FAF1: variants seen among roughly 807,000 people sequenced by gnomAD.
FAF1 encodes the protein Fas associated factor 1.
FAF1 carries 25 observed loss-of-function variants against 92.5 expected under a neutral mutation model. That is an observed-to-expected ratio of 0.27 (90% CI 0.20 to 0.38). The LOEUF is 0.38. FAF1 is among the 10% of genes least tolerant of loss of function. FAF1 has a pLI of 1.00. For missense variants in FAF1, 636 were observed against 793.3 expected, an observed-to-expected ratio of 0.80 and a Z score of 2.38; for synonymous variants, 234 against 273.2, an observed-to-expected ratio of 0.86 and a Z score of 1.42.
At chr1:50,877,333 T>C (rs1644579033) in intron 1 of FAF1, among the ~76,000 whole-genome samples, 1 of 152,184 alleles carries the variant, frequency 6.6e-6, no homozygotes, top group Non-Finnish European at 1.5e-5. Context: ...AAATCCCTAC[T>C]GATGTACACT....
chr1:50,898,385 T>TA (rs1233788288), intron 1 of FAF1, among the ~76,000 whole-genome samples: 1 of 152,202 alleles, frequency 6.6e-6, no homozygotes, highest in Non-Finnish European at 1.5e-5. Flanking sequence ...AATAAGCTGA[T>TA]ATCTATACCT....
intron 7 of FAF1, among the ~76,000 whole-genome samples, chr1:50,685,880 T>A (rs1199385873): frequency 1.3e-5 from 2 of 152,222 alleles, no homozygotes; most frequent in African/African-American, 4.8e-5. Flanking sequence ...CTCAAATTAC[T>A]ATGAAGTAAA....
chr1:50,697,816 G>C (rs1192960063), intron 7 of FAF1, among the ~76,000 whole-genome samples: 1 of 151,930 alleles, frequency 6.6e-6, no homozygotes, highest in African/African-American at 2.4e-5. Flanking sequence ...AATAATAATA[G>C]GAGTACATTG....
chr1:50,711,848 G>A (rs762412642), intron 6 of FAF1, among the ~76,000 whole-genome samples: 62 of 152,162 alleles, frequency 4.1e-4, no homozygotes, highest in South Asian at 1.0e-3. Flanking sequence ...GGAGAAGTCA[G>A]ATAAGGGTAT....
At chr1:50,766,421 G>A (rs1195603957) in intron 4 of FAF1, among the ~76,000 whole-genome samples, 1 of 152,116 alleles carries the variant, frequency 6.6e-6, no homozygotes, top group African/African-American at 2.4e-5. Flanking sequence ...AGACTCTTAT[G>A]GCCAGAAAGG....
chr1:50,801,587 T>C (rs1439587792), intron 3 of FAF1, 44 bp downstream of exon 3: 1 of 1,119,348 alleles, frequency 8.9e-7, no homozygotes, highest in African/African-American at 1.5e-5. Context: ...CTCTGTTCTT[T>C]GTTCTGCTAA....
intron 4 of FAF1, among the ~76,000 whole-genome samples, chr1:50,770,473 G>C (rs1036391901): frequency 6.6e-6 from 1 of 152,162 alleles, no homozygotes; most frequent in Non-Finnish European, 1.5e-5. Context: ...TGTCCAAGCT[G>C]AGAGTCAATT....
chr1:50,494,042 TC>T (rs578142928), intron 15 of FAF1, among the ~76,000 whole-genome samples: 285 of 152,332 alleles, frequency 1.9e-3, no homozygotes, highest in Middle Eastern at 6.8e-3. Flanking sequence ...TACTCACAGC[TC>T]TCTCTGACCA....
At chr1:50,566,430 C>T (rs1210966768) in intron 13 of FAF1, among the ~76,000 whole-genome samples, 6 of 151,998 alleles carry the variant, frequency 3.9e-5, no homozygotes, top group Admixed American at 1.3e-4. Context: ...TGTAATTAAA[C>T]ATGATGAAAT....
At chr1:50,597,993 T>C (rs1215538811) in intron 8 of FAF1, among the ~76,000 whole-genome samples, 10 of 152,136 alleles carry the variant, frequency 6.6e-5, no homozygotes, top group Non-Finnish European at 1.5e-4. Context: ...ATATTTTCCA[T>C]CTCGAAACTA....
intron 1 of FAF1, among the ~76,000 whole-genome samples, chr1:50,903,940 A>G (rs1246165083): frequency 6.6e-6 from 1 of 152,224 alleles, no homozygotes; most frequent in Non-Finnish European, 1.5e-5. Context: ...AAAACTGTAT[A>G]AAACTTCTAC....
chr1:50,618,803 C>G lies in FAF1; in HGVS notation c.745-22587G>C, dbSNP rs185153807. On this transcript the variant is annotated intron_variant, in intron 8 of 18. Transcript: ENST00000396153. Reference sequence around the variant, plus strand: ...TCACTCTGTCGCCCAGGCTGGAGTGCAGTGGCACACTCTCAGCTCACTGCA... The same window carrying G: ...TCACTCTGTCGCCCAGGCTGGAGTGGAGTGGCACACTCTCAGCTCACTGCA... 3.9e-4 allele frequency among the ~76,000 whole-genome samples: 59 copies of G among 150,698 alleles called. 2 individuals carry two copies. The East Asian group carries it at 8.6e-3, about 22-fold the overall frequency.
At chr1:50,846,021 G>A (rs548548740) in intron 2 of FAF1, among the ~76,000 whole-genome samples, 1 of 152,152 alleles carries the variant, frequency 6.6e-6, no homozygotes, top group East Asian at 1.9e-4. Context: ...CTACTCAGGA[G>A]GCTGAGGTAG....
At chr1:50,447,121 CTT>C (rs61612294) in intron 18 of FAF1, among the ~76,000 whole-genome samples, 3,617 of 112,564 alleles carry the variant, frequency 0.032, 84 homozygotes, top group African/African-American at 0.13. Flanking sequence ...CATATTCCTG[CTT>C]TTTTTTTTTT....
At chr1:50,746,293 T>TATATATATATA (rs1281562796) in intron 4 of FAF1, among the ~76,000 whole-genome samples, 10 of 19,634 alleles carry the variant, frequency 5.1e-4, no homozygotes, top group African/African-American at 1.0e-3. Context: ...TATATATATA[T>TATATATATATA]TTTTTTTTTT....
At chr1:50,623,462 G>C (rs140904320) in intron 8 of FAF1, among the ~76,000 whole-genome samples, 1 of 151,638 alleles carries the variant, frequency 6.6e-6, no homozygotes, top group Non-Finnish European at 1.5e-5. Flanking sequence ...CCAGCTACTC[G>C]GGAGGCTGAG....
At position 50,539,657 on chromosome 1, in the gene FAF1, T is replaced by C; in HGVS notation, c.1340A>G (p.Gln447Arg). The C allele has an allele frequency of 1.2e-6, 2 of 1,611,754 alleles. No individual in the cohort carries two copies. Among genetic ancestry groups the C allele is most frequent in the Non-Finnish European group, 1.7e-6 (2 of 1,178,102 alleles). The change falls in exon 14 of 19, where the codon CAG (glutamine) becomes CGG (arginine). Residue 447 changes from glutamine (Q) to arginine (R), a missense_variant. Coordinates refer to ENST00000396153, the MANE Select transcript of FAF1 (RefSeq NM_007051.3). ...CATAATAATCAGGAAAAGCGGAAACTGATCCGTTTTTTGAGTCCGAATGGT... is the reference window on the plus strand; with the variant it reads ...CATAATAATCAGGAAAAGCGGAAACCGATCCGTTTTTTGAGTCCGAATGGT... ...AQTIRTQKTD[Q>R]FPLFLIIMGK... is the part of the protein sequence containing the mutation.
In FAF1 at chr1:50,748,630, A is replaced by G. The variant is rs1011021262; in HGVS notation, c.368-3855T>C. 2.6e-5 allele frequency among the ~76,000 whole-genome samples: 4 copies of G among 152,364 alleles called. No individual in the cohort carries two copies. In the East Asian group the frequency reaches 7.7e-4, roughly 29 times the overall value. On this transcript the variant is annotated intron_variant, in intron 4 of 18. Coordinates refer to ENST00000396153, the MANE Select transcript of FAF1 (RefSeq NM_007051.3). ...CAATTATTTTTCAGGAATCAAATCT[A>G]CTTATAAATTAATCAGCTGATTTCT...
intron 2 of FAF1, among the ~76,000 whole-genome samples, chr1:50,835,685 A>C (rs542482909): frequency 1.3e-5 from 2 of 152,310 alleles, no homozygotes; most frequent in South Asian, 4.1e-4. Flanking sequence ...TGCTGAAAGA[A>C]TTTAATAAGA....
Sources: gnomAD v4.1 joint callset for allele counts (sites outside exome capture counted in the v4.1 genomes callset) on GRCh38, gnomAD v4.1.1 for gene constraint, MANE v1.5 for transcripts, NCBI Gene and HGNC (gene_info 2026-07-23, HGNC 2026-07-21) for gene names.